Variants in REV3L observed in about 807,000 individuals in gnomAD.
REV3L encodes REV3 like, DNA directed polymerase zeta catalytic subunit, also known as DNA polymerase zeta catalytic subunit.
Under a neutral mutation model 299.4 loss-of-function variants are expected in REV3L, and 69 were observed. The ratio of observed to expected loss-of-function variants is 0.23; its 90% CI spans 0.19 to 0.28. The LOEUF (loss-of-function observed/expected upper bound fraction) is 0.28. Ranked by LOEUF, REV3L falls within the 10% of genes least tolerant of loss-of-function variation. The pLI is 1.00. For synonymous variants in REV3L, 1,238 were observed against 1,271.4 expected (o/e 0.97, Z 0.56); for missense variants, 3,128 against 3,693.8 (o/e 0.85, Z 3.97).
chr6:111,436,302 T>C (rs763473090), intron 1 of REV3L, among the ~76,000 whole-genome samples: 4 of 152,284 alleles, frequency 2.6e-5, no homozygotes, highest in East Asian at 1.9e-4. Flanking sequence ...AAAATCAATA[T>C]ACTGAAGATA....
chr6:111,405,059 T>C (rs1783485072), intron 4 of REV3L, among the ~76,000 whole-genome samples: 2 of 151,994 alleles, frequency 1.3e-5, no homozygotes, highest in African/African-American at 4.8e-5. Flanking sequence ...TAGAATTGTG[T>C]ATCATATACT....
intron 22 of REV3L, among the ~76,000 whole-genome samples, chr6:111,334,844 ATAAG>A (rs1241964500): frequency 2.6e-5 from 4 of 152,206 alleles, no homozygotes; most frequent in Non-Finnish European, 4.4e-5. Context: ...GGTAATTAAA[ATAAG>A]TAAGGATTTT....
At chr6:111,330,167 T>C (rs865885381) in intron 24 of REV3L, 1 of 380,874 alleles carries the variant, frequency 2.6e-6, no homozygotes, top group Non-Finnish European at 5.4e-6. Context: ...GAAATCTGCA[T>C]GGAACTCCAT....
At chr6:111,474,988 T>TATATATACAC (rs151075609) in intron 1 of REV3L, among the ~76,000 whole-genome samples, 1,492 of 145,920 alleles carry the variant, frequency 0.01, 29 homozygotes, top group African/African-American at 0.036. Context: ...TGCCTATATA[T>TATATATACAC]ACACACACAC....
chr6:111,301,799 G>A lies in REV3L; in HGVS notation c.9253-1643C>T, dbSNP rs79028928. On this transcript the variant is annotated intron_variant, in intron 31 of 31. Coordinates refer to ENST00000368802, the MANE Select transcript of REV3L (RefSeq NM_001372078.1). ...GATCAATTTTTAAAAATACTTTAAA[G>A]TCTCAAGTTGCATATATAGTTAAAA... 3.9e-5 allele frequency among the ~76,000 whole-genome samples: 6 copies of A among 152,100 alleles called. No individual in the cohort carries two copies. The East Asian group carries it at 1.2e-3, about 29-fold the overall frequency.
chr6:111,444,742 T>C (rs1788643077), intron 1 of REV3L, among the ~76,000 whole-genome samples: 1 of 152,208 alleles, frequency 6.6e-6, no homozygotes, highest in Non-Finnish European at 1.5e-5. Flanking sequence ...TTGCTTGGTG[T>C]AGGCTTTCTC....
chr6:111,333,275 G>A lies in REV3L; in HGVS notation c.7773C>T (p.Ala2591=), dbSNP rs894953568. Residue 2591 remains alanine, a synonymous_variant, in exon 23 of 32, where the codon GCC becomes GCT. Transcript: ENST00000368802. The stretch of plus-strand genomic sequence containing the variant: ...CCATAATTAGAGGAACACACTGTGG[G>A]GCTCTCATCTGGGATCTTTGCTGAA... ...PSVQQRSQMR[A]PQCVPLIMEP... The A allele has an allele frequency of 8.7e-6, 14 of 1,613,934 alleles. 1 individual carries two copies. The highest frequency in any genetic ancestry group is 1.2e-5 in the Non-Finnish European group (14 of 1,180,002).
chr6:111,329,933 G>A (rs780193771), intron 24 of REV3L, among the ~76,000 whole-genome samples, 195 bp from the exon 25 acceptor site: 1 of 152,098 alleles, frequency 6.6e-6, no homozygotes, highest in African/African-American at 2.4e-5. Context: ...CTCCTAAATG[G>A]TTCCTGCAAT....
At chr6:111,444,647 T>C (rs1363796164) in intron 1 of REV3L, among the ~76,000 whole-genome samples, 4 of 152,176 alleles carry the variant, frequency 2.6e-5, no homozygotes, top group Non-Finnish European at 5.9e-5. Flanking sequence ...ACCTTTAGGT[T>C]TTACGTTCTG....
Position 111,395,166 on chromosome 6 carries a change from C to T in REV3L, c.566-2194G>A, listed in dbSNP as rs532441749. 1.2e-3 allele frequency among the ~76,000 whole-genome samples: 178 copies of T among 152,218 alleles called. 1 individual carries two copies. The highest frequency in any genetic ancestry group is 4.0e-3 in the African/African-American group (168 of 41,516). ...ATGATGTCTCCAACTGTTCTTTTTG[C>T]TCAGGATTGCTTTGGCTATTTAGGC... On this transcript the variant is annotated intron_variant, in intron 4 of 31. Coordinates refer to ENST00000368802, the MANE Select transcript of REV3L (RefSeq NM_001372078.1).
chr6:111,322,984 T>C (rs1774356935), intron 25 of REV3L, among the ~76,000 whole-genome samples: 1 of 151,476 alleles, frequency 6.6e-6, no homozygotes, highest in Non-Finnish European at 1.5e-5. Context: ...AATCCTTCTT[T>C]ATTCAAGAAC....
chr6:111,444,936 T>C (rs929628679), intron 1 of REV3L, among the ~76,000 whole-genome samples: 2 of 152,158 alleles, frequency 1.3e-5, no homozygotes, highest in Non-Finnish European at 2.9e-5. Context: ...TTCCCAGAAG[T>C]ATAGTGGCCA....
At chr6:111,337,137 T>TCAC (rs1775983949) in intron 21 of REV3L, among the ~76,000 whole-genome samples, 1 of 152,174 alleles carries the variant, frequency 6.6e-6, no homozygotes. Flanking sequence ...GGCTAGGTGA[T>TCAC]GCAGGATTTC....
At chr6:111,468,354 CGGA>C (rs1791758082) in intron 1 of REV3L, among the ~76,000 whole-genome samples, 1 of 151,996 alleles carries the variant, frequency 6.6e-6, no homozygotes, top group Admixed American at 6.5e-5. Flanking sequence ...TAAGAACTAA[CGGA>C]GGAAAACATT....
At chr6:111,324,941 A>G (rs989123740) in intron 25 of REV3L, among the ~76,000 whole-genome samples, 1 of 151,548 alleles carries the variant, frequency 6.6e-6, no homozygotes, top group Non-Finnish European at 1.5e-5. Flanking sequence ...GGCTCACTGC[A>G]ACCTCTACCT....
At chr6:111,398,309 G>A (rs1782737276) in intron 4 of REV3L, among the ~76,000 whole-genome samples, 2 of 151,444 alleles carry the variant, frequency 1.3e-5, no homozygotes, top group East Asian at 2.0e-4. Context: ...TTCATATACA[G>A]CAAGAAATAC....
At chr6:111,435,686 T>C (rs1449117280) in intron 1 of REV3L, among the ~76,000 whole-genome samples, 1 of 152,186 alleles carries the variant, frequency 6.6e-6, no homozygotes, top group African/African-American at 2.4e-5. Context: ...AAGACTTAAA[T>C]CTAACACCTG....
Position 111,437,549 on chromosome 6 carries a change from T to C in REV3L, c.140-21077A>G, listed in dbSNP as rs946056773. On this transcript the variant is annotated intron_variant, in intron 1 of 31. Transcript: ENST00000368802. ...TAAAATATTTTAATTTTATATTATA[T>C]AGAGAAAAATTTTAAATATTATGCT... 7.3e-5 allele frequency among the ~76,000 whole-genome samples: 11 copies of C among 151,500 alleles called. No individual in the cohort carries two copies. In the East Asian group the frequency reaches 1.2e-3, roughly 16 times the overall value.
chr6:111,382,444 A>C (rs1170450379), intron 9 of REV3L, among the ~76,000 whole-genome samples: 1 of 152,130 alleles, frequency 6.6e-6, no homozygotes, highest in Non-Finnish European at 1.5e-5. Context: ...TTTGCATTGG[A>C]ACTCAGTGCT....
Sources: gnomAD v4.1 joint callset for allele counts (sites outside exome capture counted in the v4.1 genomes callset) on GRCh38, gnomAD v4.1.1 for gene constraint, MANE v1.5 for transcripts, NCBI Gene and HGNC (gene_info 2026-07-23, HGNC 2026-07-21) for gene names.